Variants in LAMA5 observed in about 807,000 individuals in gnomAD.
The protein encoded by LAMA5 is laminin subunit alpha 5.
Under a neutral mutation model 433.4 loss-of-function variants are expected in LAMA5, and 260 were observed. That is an observed-to-expected ratio of 0.60 (90% CI 0.54 to 0.66). The LOEUF is 0.66. Among genes scored for constraint, LAMA5 ranks in the 30% least tolerant of loss-of-function variants. The pLI, the probability that LAMA5 is intolerant of heterozygous loss-of-function variation, is 0.00. For synonymous variants in LAMA5, 2,620 were observed against 2,226.6 expected, an observed-to-expected ratio of 1.18 and a Z score of -4.97; for missense variants, 5,378 against 5,258.5, an observed-to-expected ratio of 1.02 and a Z score of -0.70.
At chr20:62,361,064 G>A (rs1225499676) in intron 2 of LAMA5, among the ~76,000 whole-genome samples, 1 of 152,158 alleles carries the variant, frequency 6.6e-6, no homozygotes, top group Non-Finnish European at 1.5e-5. Context: ...GGAGAGGCGG[G>A]AAGAACTCGC....
At chr20:62,323,911 C>A in intron 43 of LAMA5, 55 bp from the exon 44 acceptor site, 5 of 1,521,984 alleles carry the variant, frequency 3.3e-6, no homozygotes, top group Middle Eastern at 3.7e-4. Flanking sequence ...CGGGCCCGGG[C>A]GAGCACACTG....
intron 2 of LAMA5, among the ~76,000 whole-genome samples, chr20:62,355,658 G>A (rs943329717): frequency 4.6e-5 from 7 of 152,104 alleles, no homozygotes; most frequent in Admixed American, 4.6e-4. Flanking sequence ...CTGTGGGTGG[G>A]GGGCAGGGAG....
intron 2 of LAMA5, among the ~76,000 whole-genome samples, chr20:62,355,748 A>T (rs1985110905): frequency 6.6e-6 from 1 of 151,204 alleles, no homozygotes; most frequent in African/African-American, 2.5e-5. Flanking sequence ...GGGCCTCAGC[A>T]GCCCCCTGTG....
chr20:62,322,619 G>A, intron 46 of LAMA5, 39 bp downstream of exon 46: 2 of 1,421,634 alleles, frequency 1.4e-6, no homozygotes, highest in Non-Finnish European at 1.9e-6. Context: ...CTAGTCCCTA[G>A]GCCCCACCCA....
intron 1 of LAMA5, among the ~76,000 whole-genome samples, chr20:62,362,843 G>A (rs963493889): frequency 1.2e-4 from 17 of 139,628 alleles, no homozygotes; most frequent in African/African-American, 1.9e-4. Context: ...CCTCTCTAGC[G>A]GGGTGGCGTC....
Position 62,309,825 on chromosome 20 carries a change from G to A in LAMA5, c.10839C>T (p.Ser3613=), listed in dbSNP as rs771033991. 1.7e-5 allele frequency: 27 copies of A among 1,611,402 alleles called. No individual in the cohort carries two copies. The highest frequency in any genetic ancestry group is 1.9e-5 in the Non-Finnish European group (23 of 1,179,610). Residue 3613 remains serine, a synonymous_variant, in exon 79 of 80, where the codon AGC becomes AGT. Coordinates refer to ENST00000252999, the MANE Select transcript of LAMA5 (RefSeq NM_005560.6). ...CCACCTCCAGCCGGAGCACATTCCC[G>A]CTTTTCATCACTGGGAGAAAGGGGG... is the stretch of plus-strand genomic sequence containing the variant. ...GQWHRLAVMK[S]GNVLRLEVDA... is the part of the protein sequence containing the mutation.
In LAMA5 at chr20:62,336,410, C is replaced by T. The variant is rs771872351; in HGVS notation, c.2253G>A (p.Glu751=). The T allele has an allele frequency of 6.2e-7, 1 of 1,612,640 alleles. No individual in the cohort carries two copies. The highest frequency in any genetic ancestry group is 2.2e-5 in the East Asian group (1 of 44,882). ...GTTTGCAGCGGTCACAGCTCGGCCC[C>T]TCCACGTGAGCCCGGCACATACAGG... ...QVPCMCRAHV[E]GPSCDRCKPG... is the part of the protein sequence containing the mutation. The change falls in exon 18 of 80, where the codon GAG becomes GAA. Residue 751 remains glutamate, a synonymous_variant. Transcript: ENST00000252999.
At position 62,314,451 on chromosome 20, in the gene LAMA5, GAC is replaced by G. The variant is rs773672494; in HGVS notation, c.8368-13_8368-12del. 8.7e-6 allele frequency: 14 copies of G among 1,613,056 alleles called. No individual in the cohort carries two copies. Among genetic ancestry groups the G allele is most frequent in the Non-Finnish European group, 1.2e-5 (14 of 1,179,800 alleles). On this transcript the variant is annotated splice_polypyrimidine_tract_variant and intron_variant, in intron 61 of 79. Transcript: ENST00000252999. The stretch of plus-strand genomic sequence containing the variant: ...GTAGTCCCCAGTGGCCTGCGGCAGT[GAC>G]AGACACACAGTCGGGATGGGGACCG...
intron 17 of LAMA5, 103 bp downstream of exon 17, chr20:62,336,631 C>T: frequency 7.1e-7 from 1 of 1,411,366 alleles, no homozygotes; most frequent in Non-Finnish European, 1.0e-6. Flanking sequence ...GTTGCCATGG[C>T]AACTGAGCAG....
chr20:62,339,222 TTA>T (rs1340977290), intron 11 of LAMA5, among the ~76,000 whole-genome samples: 1 of 142,094 alleles, frequency 7.0e-6, no homozygotes, highest in Non-Finnish European at 1.5e-5. Flanking sequence ...GCAAAACAAA[TTA>T]TAGTTTCTTT....
intron 3 of LAMA5, 91 bp from the exon 4 acceptor site, chr20:62,352,451 G>C (rs1984499788): frequency 4.4e-6 from 4 of 914,158 alleles, no homozygotes; most frequent in Non-Finnish European, 6.8e-6. Context: ...TCCGGGCCTT[G>C]CCACTGAGGC....
At chr20:62,346,655 C>T (rs377465216) in intron 8 of LAMA5, 27 bp downstream of exon 8, 32 of 1,610,226 alleles carry the variant, frequency 2.0e-5, no homozygotes, top group Non-Finnish European at 2.6e-5. Context: ...AGGGCCAGCC[C>T]ATTCCCAGCC....
intron 26 of LAMA5, 141 bp from the exon 27 acceptor site, chr20:62,332,858 G>A (rs905495722): frequency 2.7e-6 from 3 of 1,117,354 alleles, no homozygotes; most frequent in African/African-American, 3.2e-5. Flanking sequence ...CCAGGCAAGT[G>A]GTGGGGGCTG....
Position 62,310,241 on chromosome 20 carries a change from C to T in LAMA5, c.10671G>A (p.Leu3557=). 2.5e-6 allele frequency: 4 copies of T among 1,612,494 alleles called. No homozygotes were observed. Among genetic ancestry groups the T allele is most frequent in the Non-Finnish European group, 3.4e-6 (4 of 1,179,882 alleles). ...TCCGGGCCTGGCCCAAGTGGAAGAT[C>T]AGTCCGGTGACTGCCAGGGGCCGCA... ...LEVRPLAVTG[L]IFHLGQARTP... The change falls in exon 77 of 80, where the codon CTG becomes CTA. Residue 3557 remains leucine, a synonymous_variant. Coordinates refer to ENST00000252999, the MANE Select transcript of LAMA5 (RefSeq NM_005560.6).
chr20:62,337,085 C>G (rs571855362), intron 16 of LAMA5: 2 of 616,888 alleles, frequency 3.2e-6, no homozygotes, highest in South Asian at 3.0e-5. Context: ...CACAAACGCA[C>G]GTGAAGATGC....
In LAMA5 at chr20:62,328,384, G is replaced by A. The variant is rs750593367; in HGVS notation, c.4509C>T (p.Arg1503=). 5.8e-6 allele frequency: 9 copies of A among 1,563,450 alleles called. No individual in the cohort carries two copies. Among genetic ancestry groups the A allele is most frequent in the Admixed American group, 1.9e-5 (1 of 52,022 alleles). Residue 1503 remains arginine (R), a synonymous_variant, in exon 35 of 80, where the codon CGC becomes CGT. Coordinates refer to ENST00000252999, the MANE Select transcript of LAMA5 (RefSeq NM_005560.6). ...ACAGCAGGCAGTCGGGCGGGATGGT[G>A]CGTGGCGGGCAGATGCACTGGCCCG... ...ELTGQCICPP[R]TIPPDCLLCQ... is the part of the protein sequence containing the mutation.
At position 62,312,883 on chromosome 20, in the gene LAMA5, C is replaced by T; in HGVS notation, c.9078+5G>A. ...CTGCCACCCTGGTCCCCACCCTGGC[C>T]CTACCGCCTTGCTGGCCGAGGTCAG... On this transcript the variant is annotated splice_donor_5th_base_variant and intron_variant, in intron 66 of 79. Coordinates refer to ENST00000252999, the MANE Select transcript of LAMA5 (RefSeq NM_005560.6). 1 of 1,591,466 alleles carries T rather than the reference C, an allele frequency of 6.3e-7. No individual in the cohort carries two copies. The highest frequency in any genetic ancestry group is 8.6e-7 in the Non-Finnish European group (1 of 1,167,384).
chr20:62,320,630 C>T lies in LAMA5; in HGVS notation c.6688G>A (p.Ala2230Thr). 3 of 1,609,712 alleles carry T rather than the reference C, an allele frequency of 1.9e-6. No individual in the cohort carries two copies. The highest frequency in any genetic ancestry group is 1.7e-6 in the Non-Finnish European group (2 of 1,178,938). ...RSPLGPRHET[A>T]QQLEVLEQQS... ...TGCTCCAGCACCTCCAGCTGCTGTG[C>T]CGTCTCATGGCGGGGGCCCAGGGGG... Residue 2230 changes from alanine (A) to threonine (T), a missense_variant, in exon 50 of 80, where the codon GCA becomes ACA. Coordinates refer to ENST00000252999, the MANE Select transcript of LAMA5 (RefSeq NM_005560.6).
At chr20:62,322,821 A>T (rs1978527699) in intron 45 of LAMA5, 63 bp from the exon 46 acceptor site, 1 of 1,103,816 alleles carries the variant, frequency 9.1e-7, no homozygotes, top group South Asian at 1.7e-5. Flanking sequence ...GCCCCTAGGC[A>T]CCCTCCTAAG....
Sources: gnomAD v4.1 joint callset for allele counts (sites outside exome capture counted in the v4.1 genomes callset) on GRCh38, gnomAD v4.1.1 for gene constraint, MANE v1.5 for transcripts, NCBI Gene and HGNC (gene_info 2026-07-23, HGNC 2026-07-21) for gene names.